Variants in PRKG2 observed in about 807,000 individuals in gnomAD.
PRKG2 encodes protein kinase cGMP-dependent 2.
Under a neutral mutation model 97.2 loss-of-function variants are expected in PRKG2, and 33 were observed. The observed-to-expected ratio is 0.34, with a 90% CI of 0.26 to 0.45. PRKG2 has a LOEUF of 0.45. Among genes scored for constraint, PRKG2 ranks in the 20% least tolerant of loss-of-function variants. The pLI is 1.00. For synonymous variants in PRKG2, 330 were observed against 321.8 expected (o/e 1.03, Z -0.27); for missense variants, 638 against 900.0 (o/e 0.71, Z 3.73).
upstream of PRKG2, among the ~76,000 whole-genome samples, chr4:81,217,031 GTATATATATATA>G (rs35897460): frequency 8.7e-6 from 1 of 115,296 alleles, no homozygotes; most frequent in Non-Finnish European, 1.7e-5. Context: ...TATATATTTT[GTATATATATATA>G]TATATATATA....
chr4:81,161,158 C>T (rs922514079), intron 6 of PRKG2, among the ~76,000 whole-genome samples: 5 of 152,078 alleles, frequency 3.3e-5, no homozygotes, highest in Non-Finnish European at 4.4e-5. Context: ...CTAATACTAA[C>T]AAACATGCGT....
At chr4:81,118,887 T>G (rs985415645) in intron 14 of PRKG2, among the ~76,000 whole-genome samples, 1 of 152,092 alleles carries the variant, frequency 6.6e-6, no homozygotes, top group Non-Finnish European at 1.5e-5. Context: ...CGCAACCTCC[T>G]GGTCTCAGGC....
Position 81,137,618 on chromosome 4 carries a change from G to A in PRKG2, c.1545-136C>T, listed in dbSNP as rs1746840301. 8 of 652,190 alleles carry A rather than the reference G, an allele frequency of 1.2e-5. No homozygotes were observed. The East Asian group carries it at 1.9e-4, about 16-fold the overall frequency. 40.4% of individuals were successfully genotyped at this position (652,190 alleles called of 1,614,324 possible). On this transcript the variant is annotated intron_variant, in intron 12 of 18. Transcript: ENST00000264399. ...TATAAATACCCCACAACTACACTGG[G>A]CTTCTCGCCAAATCCTCTTTGATTT...
At chr4:81,092,966 C>A (rs1341396922) in intron 17 of PRKG2, among the ~76,000 whole-genome samples, 1 of 152,164 alleles carries the variant, frequency 6.6e-6, no homozygotes, top group Non-Finnish European at 1.5e-5. Flanking sequence ...AGCAGCAAGA[C>A]TGGTCGTTTA....
intron 15 of PRKG2, among the ~76,000 whole-genome samples, chr4:81,110,188 A>T (rs566568541): frequency 6.6e-6 from 1 of 152,272 alleles, no homozygotes; most frequent in Admixed American, 6.5e-5. Context: ...TTAATTTGTT[A>T]TCTACAGTAA....
At chr4:81,151,927 A>G (rs1332805952) in intron 8 of PRKG2, 33 bp downstream of exon 8, 17 of 1,511,214 alleles carry the variant, frequency 1.1e-5, no homozygotes, top group Non-Finnish European at 1.5e-5. Flanking sequence ...GAAGCATTTT[A>G]TCCAAAGTAT....
chr4:81,196,303 C>T lies in PRKG2; in HGVS notation c.461+8284G>A, dbSNP rs572612904. On this transcript the variant is annotated intron_variant, in intron 2 of 18. Coordinates refer to ENST00000264399, the MANE Select transcript of PRKG2 (RefSeq NM_006259.3). The stretch of plus-strand genomic sequence containing the variant: ...CCTTTGACTGCAGCCTTGTGGCTGA[C>T]GTCAGAGAAGATGACTTAAATAAGT... 5.9e-5 allele frequency among the ~76,000 whole-genome samples: 9 copies of T among 152,268 alleles called. No homozygotes were observed. In the South Asian group the frequency reaches 1.5e-3, roughly 25 times the overall value.
At chr4:81,153,848 T>C in intron 6 of PRKG2, 127 bp from the exon 7 acceptor site, 1 of 661,454 alleles carries the variant, frequency 1.5e-6, no homozygotes, top group Non-Finnish European at 2.6e-6. Context: ...TATTTCCATC[T>C]GAGGTACCGG....
chr4:81,207,199 TAAGA>T (rs1753729191), intron 1 of PRKG2, among the ~76,000 whole-genome samples: 1 of 152,156 alleles, frequency 6.6e-6, no homozygotes, highest in Admixed American at 6.5e-5. Context: ...ATTACAAGCA[TAAGA>T]AAGGTGCTCC....
intron 2 of PRKG2, among the ~76,000 whole-genome samples, chr4:81,201,304 A>G (rs1205732470): frequency 6.6e-6 from 1 of 152,228 alleles, no homozygotes; most frequent in Non-Finnish European, 1.5e-5. Context: ...CTCAATAGCC[A>G]TATTTGGCTA....
intron 1 of PRKG2, among the ~76,000 whole-genome samples, chr4:81,213,855 C>A (rs1375699604): frequency 2.0e-5 from 3 of 152,068 alleles, no homozygotes; most frequent in African/African-American, 7.2e-5. Context: ...TTAAGGATTT[C>A]ACGTAAAAGA....
At chr4:81,191,947 T>G (rs757799051) in intron 2 of PRKG2, among the ~76,000 whole-genome samples, 1 of 152,212 alleles carries the variant, frequency 6.6e-6, no homozygotes. Context: ...TTGGATATAA[T>G]GTACTACCCA....
chr4:81,131,862 A>G (rs928830455), intron 14 of PRKG2, among the ~76,000 whole-genome samples: 2 of 152,144 alleles, frequency 1.3e-5, no homozygotes, highest in Non-Finnish European at 2.9e-5. Context: ...TTGTCTTGAT[A>G]TTGATAGTAC....
intron 4 of PRKG2, 135 bp downstream of exon 4, chr4:81,171,556 C>T: frequency 1.7e-6 from 1 of 583,794 alleles, no homozygotes; most frequent in Non-Finnish European, 2.8e-6. Context: ...CCTTAATAGG[C>T]ATAGCATTTC....
chr4:81,155,938 A>G (rs1384694124), intron 6 of PRKG2, among the ~76,000 whole-genome samples: 1 of 152,186 alleles, frequency 6.6e-6, no homozygotes, highest in Non-Finnish European at 1.5e-5. Flanking sequence ...AGCACTAAAC[A>G]TGGAAAGGAA....
At chr4:81,111,961 T>C (rs1744035445) in intron 14 of PRKG2, among the ~76,000 whole-genome samples, 2 of 152,114 alleles carry the variant, frequency 1.3e-5, no homozygotes, top group East Asian at 1.9e-4. Flanking sequence ...ACAGCAACAA[T>C]CTTGGCTAAA....
rs1004948428 is a variant in PRKG2, at chr4:81,202,361, A to G, written c.461+2226T>C. ...CTATTTGTGTTTAGCTAGTTATTTC[A>G]GACTTAAGGAGGTATCTGTACTTTT... On this transcript the variant is annotated intron_variant, in intron 2 of 18. Transcript: ENST00000264399. 9.2e-5 allele frequency among the ~76,000 whole-genome samples: 14 copies of G among 152,322 alleles called. No homozygotes were observed. The East Asian group carries it at 1.2e-3, about 13-fold the overall frequency.
intron 1 of PRKG2, among the ~76,000 whole-genome samples, chr4:81,211,539 G>A (rs1753971980): frequency 6.6e-6 from 1 of 152,156 alleles, no homozygotes; most frequent in African/African-American, 2.4e-5. Flanking sequence ...GATACACTAA[G>A]TTCTCTAGTT....
At chr4:81,117,269 C>T (rs182115916) in intron 14 of PRKG2, among the ~76,000 whole-genome samples, 33 of 152,130 alleles carry the variant, frequency 2.2e-4, no homozygotes, top group African/African-American at 7.7e-4. Context: ...GCTGGGATTA[C>T]GGGCACTGTG....
Sources: allele counts gnomAD v4.1 joint callset (sites outside exome capture counted in the v4.1 genomes callset), GRCh38; gene constraint gnomAD v4.1.1; transcripts MANE v1.5; gene names NCBI Gene and HGNC (gene_info 2026-07-23, HGNC 2026-07-21).